Variants in PRKN observed in about 807,000 individuals in gnomAD.
PRKN encodes the protein E3 ubiquitin-protein ligase parkin.
A neutral mutation model predicts 59.5 loss-of-function variants in PRKN; 56 were observed. The ratio of observed to expected loss-of-function variants is 0.94; its 90% confidence interval spans 0.76 to 1.18. The LOEUF (loss-of-function observed/expected upper bound fraction) is 1.18. Ranked by LOEUF, PRKN falls within the 50% of genes most tolerant of loss-of-function variation. The probability of loss-of-function intolerance (pLI) is 0.00; values close to 1 mark genes in which losing one functional copy is unlikely to be tolerated. For synonymous variants in PRKN, 250 were observed against 222.1 expected (o/e 1.13, Z -1.12); for missense variants, 657 against 596.4 (o/e 1.10, Z -1.06).
rs71004048 is a variant in PRKN, at chr6:161,497,573, T to TCACACA, written c.1083+51280_1083+51281insTGTGTG. Among the ~76,000 whole-genome samples, 4 of 124,138 alleles carry TCACACA rather than the reference T, an allele frequency of 3.2e-5. No individual in the cohort carries two copies. Among genetic ancestry groups the TCACACA allele is most frequent in the Admixed American group, 7.8e-5 (1 of 12,826 alleles). 81.4% of individuals were successfully genotyped at this position (124,138 alleles called of 152,430 possible). ...TTACATGTCTCTCTCTCTCTCTCTC[T>TCACACA]CTCTCACACACACACACACACACAC... On this transcript the variant is annotated intron_variant, in intron 9 of 11. Coordinates refer to ENST00000366898, the MANE Select transcript of PRKN (RefSeq NM_004562.3). The surrounding 1 kb of genome is among the most constrained non-coding windows in gnomAD (Gnocchi z 4.6).
chr6:162,140,866 C>G (rs751170711), intron 4 of PRKN, among the ~76,000 whole-genome samples: 1 of 152,168 alleles, frequency 6.6e-6, no homozygotes, highest in Non-Finnish European at 1.5e-5. Flanking sequence ...CAGTGGCTCA[C>G]GCCTGTAATC....
intron 3 of PRKN, among the ~76,000 whole-genome samples, chr6:162,210,337 T>G (rs1335973168): frequency 6.6e-6 from 1 of 152,100 alleles, no homozygotes; most frequent in Non-Finnish European, 1.5e-5. Context: ...GGTGAGGCAC[T>G]TAGAACAATG....
chr6:161,790,959 GAGA>G (rs1448343543), intron 6 of PRKN, among the ~76,000 whole-genome samples: 5 of 152,252 alleles, frequency 3.3e-5, no homozygotes, highest in African/African-American at 9.6e-5. Context: ...GAGTGGAAAT[GAGA>G]AGAAGAACGG....
At position 162,185,917 on chromosome 6, in the gene PRKN, T is replaced by C. The variant is rs115411486; in HGVS notation, c.534+15214A>G. Among the ~76,000 whole-genome samples, 1,306 of 152,204 alleles carry C rather than the reference T, an allele frequency of 8.6e-3. 21 individuals are homozygous for C. Among genetic ancestry groups the C allele is most frequent in the African/African-American group, 0.03 (1,241 of 41,540 alleles). On this transcript the variant is annotated intron_variant, in intron 4 of 11. Transcript: ENST00000366898. ...AATAATGATGTACCAACTAAAGATA[T>C]TTAGCTCCCTGTTAAGAGAAGAGGC...
At chr6:162,390,541 A>C (rs2128144477) in intron 2 of PRKN, among the ~76,000 whole-genome samples, 1 of 151,734 alleles carries the variant, frequency 6.6e-6, no homozygotes, top group South Asian at 2.1e-4. Context: ...TCCCGGGTTC[A>C]AGTGATTCTC....
chr6:162,026,200 G>A (rs889092134), intron 5 of PRKN, among the ~76,000 whole-genome samples: 7 of 152,156 alleles, frequency 4.6e-5, no homozygotes, highest in Non-Finnish European at 7.4e-5. Context: ...CCGCAACTCC[G>A]TGAAGACAGA....
intron 1 of PRKN, among the ~76,000 whole-genome samples, chr6:162,531,719 G>T (rs778783070): frequency 1.3e-5 from 2 of 152,240 alleles, no homozygotes; most frequent in African/African-American, 2.4e-5. Flanking sequence ...CTCCTAAACC[G>T]TAATTTCTAA....
chr6:161,476,512 ATATT>A (rs1791089985), intron 9 of PRKN, among the ~76,000 whole-genome samples: 1 of 152,214 alleles, frequency 6.6e-6, no homozygotes, highest in African/African-American at 2.4e-5. Context: ...GAAAATCTAA[ATATT>A]TATGCGTCTC....
intron 7 of PRKN, among the ~76,000 whole-genome samples, chr6:161,758,158 G>A (rs1048798839): frequency 2.6e-5 from 4 of 151,512 alleles, no homozygotes; most frequent in East Asian, 1.9e-4. Flanking sequence ...CAACCACCAC[G>A]GAAAGTAGTT....
intron 1 of PRKN, among the ~76,000 whole-genome samples, chr6:162,498,812 A>C (rs2128187283): frequency 6.6e-6 from 1 of 152,206 alleles, no homozygotes; most frequent in South Asian, 2.1e-4. Context: ...TGTAAGGTAA[A>C]ATGAGGTTTA....
At chr6:162,075,209 T>C (rs1012098912) in intron 4 of PRKN, among the ~76,000 whole-genome samples, 2 of 152,210 alleles carry the variant, frequency 1.3e-5, no homozygotes, top group African/African-American at 4.8e-5. Context: ...TAAATCTATT[T>C]GAATAATATT....
At chr6:162,616,190 C>T (rs1219733625) in intron 1 of PRKN, among the ~76,000 whole-genome samples, 8 of 152,084 alleles carry the variant, frequency 5.3e-5, no homozygotes. Context: ...TGGACACTAC[C>T]CCTGACCCCA....
At chr6:161,590,797 A>C (rs1485290497) in intron 7 of PRKN, among the ~76,000 whole-genome samples, 1 of 152,056 alleles carries the variant, frequency 6.6e-6, no homozygotes, top group Non-Finnish European at 1.5e-5. Flanking sequence ...GACAAACACA[A>C]ATTGAAGGAT....
At chr6:162,105,115 A>C (rs1286769668) in intron 4 of PRKN, among the ~76,000 whole-genome samples, 1 of 152,182 alleles carries the variant, frequency 6.6e-6, no homozygotes, top group East Asian at 1.9e-4. Context: ...TATGCAGCGA[A>C]AAGAAGACAG....
At chr6:161,583,061 T>C (rs1781402474) in intron 7 of PRKN, among the ~76,000 whole-genome samples, 1 of 150,538 alleles carries the variant, frequency 6.6e-6, no homozygotes, top group African/African-American at 2.4e-5. Flanking sequence ...TAAACCAAAA[T>C]AGATCCATGA....
At chr6:161,752,317 G>A (rs976061040) in intron 7 of PRKN, among the ~76,000 whole-genome samples, 6 of 151,932 alleles carry the variant, frequency 3.9e-5, no homozygotes, top group South Asian at 2.1e-4. Context: ...GCAGTGAGCC[G>A]AGATCGCGCC....
At chr6:161,539,745 A>G (rs1583206454) in intron 9 of PRKN, among the ~76,000 whole-genome samples, 1 of 152,092 alleles carries the variant, frequency 6.6e-6, no homozygotes, top group Non-Finnish European at 1.5e-5. Flanking sequence ...CACTTCCTCT[A>G]CCCAAAGGCA....
intron 7 of PRKN, among the ~76,000 whole-genome samples, chr6:161,698,241 TG>T (rs1343586502): frequency 6.6e-6 from 1 of 152,134 alleles, no homozygotes; most frequent in African/African-American, 2.4e-5. Flanking sequence ...ACAGGCTACA[TG>T]TAGCCAGAAG....
At chr6:161,973,537 T>C in intron 5 of PRKN, 120 bp from the exon 6 acceptor site, 3 of 703,588 alleles carry the variant, frequency 4.3e-6, no homozygotes, top group Non-Finnish European at 7.7e-6. Flanking sequence ...AGGTGTGAGA[T>C]GGAAATAAAT....
Sources: allele counts gnomAD v4.1 joint callset (sites outside exome capture counted in the v4.1 genomes callset), GRCh38; gene constraint gnomAD v4.1.1; non-coding constraint Gnocchi (gnomAD v3.1); transcripts MANE v1.5; gene names NCBI Gene and HGNC (gene_info 2026-07-23, HGNC 2026-07-21).